FAF1: variants seen among roughly 807,000 people sequenced by gnomAD.
The protein encoded by FAF1 is Fas associated factor 1.
Under a neutral mutation model 92.5 loss-of-function variants are expected in FAF1, and 25 were observed. The ratio of observed to expected loss-of-function variants is 0.27; its 90% confidence interval spans 0.20 to 0.38. The LOEUF (loss-of-function observed/expected upper bound fraction) is 0.38. Ranked by LOEUF, FAF1 falls within the 10% of genes least tolerant of loss-of-function variation. FAF1 has a pLI of 1.00. For synonymous variants in FAF1, 234 were observed against 273.2 expected (o/e 0.86, Z 1.42); for missense variants, 636 against 793.3 (o/e 0.80, Z 2.38).
At chr1:50,551,524 C>G (rs887926671) in intron 13 of FAF1, among the ~76,000 whole-genome samples, 1 of 152,104 alleles carries the variant, frequency 6.6e-6, no homozygotes, top group African/African-American at 2.4e-5. Context: ...ACAATACCCA[C>G]AAAACTTTAA....
chr1:50,681,943 C>T (rs1656445924), intron 7 of FAF1, among the ~76,000 whole-genome samples: 2 of 152,004 alleles, frequency 1.3e-5, no homozygotes, highest in South Asian at 4.1e-4. Context: ...AAGCGATCCT[C>T]CCACCTCAGC....
In FAF1 at chr1:50,681,024, G is replaced by GAATAAT. The variant is rs151079216; in HGVS notation, c.657+24756_657+24761dup. Among the ~76,000 whole-genome samples the GAATAAT allele has an allele frequency of 2.0e-4, 30 of 150,810 alleles. 1 individual carries two copies. Among genetic ancestry groups the GAATAAT allele is most frequent in the Middle Eastern group, 3.4e-3 (1 of 290 alleles). The stretch of plus-strand genomic sequence containing the variant: ...TTATAGATTACAAACACTACATTCA[G>GAATAAT]AATAATAATAATAATAATAATAATA... On this transcript the variant is annotated intron_variant, in intron 7 of 18. Transcript: ENST00000396153.
At position 50,829,538 on chromosome 1, in the gene FAF1, C is replaced by T. The variant is rs536183541; in HGVS notation, c.115-27861G>A. Among the ~76,000 whole-genome samples the T allele has an allele frequency of 6.7e-4, 102 of 152,268 alleles. 1 individual carries two copies. In the South Asian group the frequency reaches 0.019, roughly 28 times the overall value. ...ATCTGCTGCCTTCCTTAACACATTCCACAAAAGGAAAACAGGCATGTGTGC... is the reference window on the plus strand; with the variant it reads ...ATCTGCTGCCTTCCTTAACACATTCTACAAAAGGAAAACAGGCATGTGTGC... On this transcript the variant is annotated intron_variant, in intron 2 of 18. Coordinates refer to ENST00000396153, the MANE Select transcript of FAF1 (RefSeq NM_007051.3).
intron 7 of FAF1, among the ~76,000 whole-genome samples, chr1:50,664,557 A>C (rs1655537456): frequency 6.7e-6 from 1 of 148,158 alleles, no homozygotes; most frequent in African/African-American, 2.7e-5. Context: ...CTGGGAGGCC[A>C]AGGTGGGTGG....
At chr1:50,712,062 T>C (rs1657957115) in intron 6 of FAF1, among the ~76,000 whole-genome samples, 1 of 152,188 alleles carries the variant, frequency 6.6e-6, no homozygotes, top group Admixed American at 6.5e-5. Context: ...ATGACCTAGG[T>C]CTAACTTCAG....
chr1:50,738,807 C>A, intron 6 of FAF1, 56 bp downstream of exon 6: 1 of 1,177,890 alleles, frequency 8.5e-7, no homozygotes, highest in Non-Finnish European at 1.3e-6. Context: ...CAACTTAAAG[C>A]AATTTTAACA....
chr1:50,559,878 T>C (rs1649789838), intron 13 of FAF1, among the ~76,000 whole-genome samples: 1 of 152,178 alleles, frequency 6.6e-6, no homozygotes, highest in Non-Finnish European at 1.5e-5. Flanking sequence ...TACACTTCCT[T>C]TAAAAGTACT....
intron 1 of FAF1, among the ~76,000 whole-genome samples, chr1:50,881,610 T>A (rs1178787758): frequency 6.6e-6 from 1 of 152,180 alleles, no homozygotes; most frequent in Non-Finnish European, 1.5e-5. Flanking sequence ...CTTCCATACA[T>A]GTCAGTAAGT....
At chr1:50,770,866 C>T (rs1050072592) in intron 4 of FAF1, among the ~76,000 whole-genome samples, 3 of 152,192 alleles carry the variant, frequency 2.0e-5, no homozygotes, top group Non-Finnish European at 4.4e-5. Context: ...AACTATACTA[C>T]AAGGCTGCAG....
chr1:50,832,989 C>A (rs1644167969), intron 2 of FAF1, among the ~76,000 whole-genome samples: 1 of 152,120 alleles, frequency 6.6e-6, no homozygotes. Context: ...GCAGAGAAGA[C>A]AATCACTCTA....
chr1:50,823,382 A>G lies in FAF1; in HGVS notation c.115-21705T>C, dbSNP rs11800919. Reference sequence around the variant, plus strand: ...CCCCAAACCCTGGGGAACTAGAAGGAGGAATAAGATAAGCACAGAAGGAAT... The same window carrying G: ...CCCCAAACCCTGGGGAACTAGAAGGGGGAATAAGATAAGCACAGAAGGAAT... On this transcript the variant is annotated intron_variant, in intron 2 of 18. Transcript: ENST00000396153. Among the ~76,000 whole-genome samples the G allele has an allele frequency of 7.5e-3, 1,142 of 152,318 alleles. 23 individuals carry two copies. Among genetic ancestry groups the G allele is most frequent in the African/African-American group, 0.026 (1,088 of 41,574 alleles).
At chr1:50,927,346 C>T (rs1266634933) in intron 1 of FAF1, among the ~76,000 whole-genome samples, 1 of 151,918 alleles carries the variant, frequency 6.6e-6, no homozygotes, top group Non-Finnish European at 1.5e-5. Context: ...TTTGGGAGGC[C>T]GAGGCGGGTG....
intron 2 of FAF1, among the ~76,000 whole-genome samples, chr1:50,843,807 A>G (rs1003535545): frequency 1.3e-5 from 2 of 152,060 alleles, no homozygotes; most frequent in Non-Finnish European, 2.9e-5. Context: ...GGTTGATTCC[A>G]TATCTTGGCT....
chr1:50,591,819 T>C (rs1307472960), intron 9 of FAF1, among the ~76,000 whole-genome samples: 1 of 152,100 alleles, frequency 6.6e-6, no homozygotes, highest in Non-Finnish European at 1.5e-5. Flanking sequence ...CCTACACTTA[T>C]CTCTTCTCAT....
intron 1 of FAF1, among the ~76,000 whole-genome samples, chr1:50,907,122 C>A (rs1196025228): frequency 6.6e-6 from 1 of 152,180 alleles, no homozygotes. Context: ...GTCTTTACTG[C>A]ATCTACTGAG....
At position 50,521,238 on chromosome 1, in the gene FAF1, G is replaced by C. The variant is rs143771234; in HGVS notation, c.1494+14131C>G. On this transcript the variant is annotated intron_variant, in intron 15 of 18. Coordinates refer to ENST00000396153, the MANE Select transcript of FAF1 (RefSeq NM_007051.3). ...CCAGTAGTAGTCCCTCAGTTTAGTAGTAAACAAGGTAAAGGTACAATGCAC... is the reference window on the plus strand; with the variant it reads ...CCAGTAGTAGTCCCTCAGTTTAGTACTAAACAAGGTAAAGGTACAATGCAC... 6.6e-3 allele frequency among the ~76,000 whole-genome samples: 1,006 copies of C among 152,112 alleles called. 4 individuals carry two copies. Among genetic ancestry groups the C allele is most frequent in the Non-Finnish European group, 0.011 (732 of 68,006 alleles).
At chr1:50,717,976 A>C (rs557551164) in intron 6 of FAF1, among the ~76,000 whole-genome samples, 1 of 150,858 alleles carries the variant, frequency 6.6e-6, no homozygotes, top group Non-Finnish European at 1.5e-5. Context: ...TTTAACTTCA[A>C]AAATACAATC....
chr1:50,555,004 A>G (rs966262962), intron 13 of FAF1, among the ~76,000 whole-genome samples: 4 of 152,014 alleles, frequency 2.6e-5, no homozygotes, highest in Non-Finnish European at 5.9e-5. Flanking sequence ...TGTGGTTTCT[A>G]TGAGCCCAGG....
intron 18 of FAF1, among the ~76,000 whole-genome samples, chr1:50,447,865 T>C (rs975468048): frequency 1.3e-5 from 2 of 152,232 alleles, no homozygotes; most frequent in Admixed American, 6.5e-5. Context: ...CTGTGCTGAC[T>C]GCCAAGGCTG....
Sources: allele counts gnomAD v4.1 joint callset (sites outside exome capture counted in the v4.1 genomes callset), GRCh38; gene constraint gnomAD v4.1.1; transcripts MANE v1.5; gene names NCBI Gene and HGNC (gene_info 2026-07-23, HGNC 2026-07-21).